PRKG1: variants seen among roughly 807,000 people sequenced by gnomAD.
The protein encoded by PRKG1 is protein kinase cGMP-dependent 1, also known as cGMP-dependent protein kinase 1.
A neutral mutation model predicts 88.1 loss-of-function variants in PRKG1; 35 were observed. The observed-to-expected ratio is 0.40, with a 90% CI of 0.30 to 0.53. The LOEUF (loss-of-function observed/expected upper bound fraction) is 0.53. Among genes scored for constraint, PRKG1 ranks in the 20% least tolerant of loss-of-function variants. The pLI, the probability that PRKG1 is intolerant of heterozygous loss-of-function variation, is 0.59. For missense variants in PRKG1, 540 were observed against 839.8 expected, an observed-to-expected ratio of 0.64 and a Z score of 4.41; for synonymous variants, 303 against 292.5, an observed-to-expected ratio of 1.04 and a Z score of -0.37.
intron 7 of PRKG1, among the ~76,000 whole-genome samples, chr10:52,127,836 A>T (rs148236074): frequency 6.6e-6 from 1 of 152,284 alleles, no homozygotes; most frequent in Non-Finnish European, 1.5e-5. Context: ...GGCATAAATC[A>T]TGGTGGAAGA....
At chr10:51,354,000 G>T (rs1842309742) in intron 2 of PRKG1, among the ~76,000 whole-genome samples, 1 of 152,046 alleles carries the variant, frequency 6.6e-6, no homozygotes, top group African/African-American at 2.4e-5. Flanking sequence ...ACAACAACAT[G>T]GATGGAACTG....
chr10:52,079,178 GAC>G (rs1343552810), intron 7 of PRKG1, among the ~76,000 whole-genome samples: 1 of 152,122 alleles, frequency 6.6e-6, no homozygotes, highest in Non-Finnish European at 1.5e-5. Flanking sequence ...AAATTTTATT[GAC>G]AGTTCTTCCA....
chr10:51,470,547 C>T (rs761019395), intron 3 of PRKG1, among the ~76,000 whole-genome samples: 1 of 151,840 alleles, frequency 6.6e-6, no homozygotes. Flanking sequence ...CATCTTAATG[C>T]ATTTTTATTT....
At chr10:51,494,164 C>T (rs1254137783) in intron 3 of PRKG1, among the ~76,000 whole-genome samples, 1 of 152,066 alleles carries the variant, frequency 6.6e-6, no homozygotes, top group African/African-American at 2.4e-5. Flanking sequence ...CTCAAGAGAT[C>T]CTTCCACCCC....
intron 4 of PRKG1, among the ~76,000 whole-genome samples, chr10:51,887,488 C>T (rs1012631370): frequency 1.3e-5 from 2 of 152,224 alleles, no homozygotes; most frequent in East Asian, 3.9e-4. Context: ...TGAGGAAACT[C>T]AATACTGTTT....
intron 1 of PRKG1, among the ~76,000 whole-genome samples, chr10:51,046,088 A>G (rs1843485102): frequency 6.6e-6 from 1 of 152,236 alleles, no homozygotes; most frequent in Non-Finnish European, 1.5e-5. Context: ...AAATGTAACC[A>G]CTGAAGCCAA....
chr10:51,654,084 A>T (rs1229765566), intron 3 of PRKG1, among the ~76,000 whole-genome samples: 1 of 151,184 alleles, frequency 6.6e-6, no homozygotes, highest in Non-Finnish European at 1.5e-5. Flanking sequence ...GGGTCATATT[A>T]AAAAAAAATC....
chr10:51,975,031 G>A (rs905004691), intron 5 of PRKG1, among the ~76,000 whole-genome samples: 6 of 152,082 alleles, frequency 3.9e-5, no homozygotes, highest in African/African-American at 1.4e-4. Context: ...GGTATATCTG[G>A]TAGGGAGTGG....
At chr10:52,209,313 A>G (rs1425730155) in intron 9 of PRKG1, among the ~76,000 whole-genome samples, 5 of 152,214 alleles carry the variant, frequency 3.3e-5, no homozygotes, top group Admixed American at 3.3e-4. Flanking sequence ...CCTGAATTAC[A>G]TATAATTTTC....
chr10:52,290,290 T>C lies in PRKG1; in HGVS notation c.1962T>C (p.Ser654=), dbSNP rs767330363. The C allele has an allele frequency of 2.2e-5, 35 of 1,605,528 alleles. No individual in the cohort carries two copies. The highest frequency in any genetic ancestry group is 2.8e-5 in the Non-Finnish European group (33 of 1,172,876). ...KGTLTPPIIP[S]VASPTDTSNF... Reference sequence around the variant, plus strand: ...CCTTGACACCTCCTATAATACCAAGTGTAAGTAGACTTTCCAGCTTATAAT... The same window carrying C: ...CCTTGACACCTCCTATAATACCAAGCGTAAGTAGACTTTCCAGCTTATAAT... The change falls in exon 17 of 18, where the codon AGT becomes AGC. Residue 654 remains serine (S), a splice_region_variant and synonymous_variant. Transcript: ENST00000373980.
chr10:51,775,568 T>A (rs1255573492), intron 3 of PRKG1, among the ~76,000 whole-genome samples: 1 of 150,748 alleles, frequency 6.6e-6, no homozygotes, highest in Non-Finnish European at 1.5e-5. Flanking sequence ...AGTTCTTTAA[T>A]TATTATTATT....
At chr10:51,863,678 A>C (rs1221966425) in intron 4 of PRKG1, among the ~76,000 whole-genome samples, 1 of 152,144 alleles carries the variant, frequency 6.6e-6, no homozygotes, top group East Asian at 1.9e-4. Context: ...TTCCACCATG[A>C]GATGGTAGAG....
intron 3 of PRKG1, among the ~76,000 whole-genome samples, chr10:51,469,860 C>T (rs1396475987): frequency 6.6e-6 from 1 of 151,842 alleles, no homozygotes; most frequent in Non-Finnish European, 1.5e-5. Context: ...AAATATATAT[C>T]TGCATTTATA....
At chr10:51,938,719 T>C (rs1319903651) in intron 5 of PRKG1, among the ~76,000 whole-genome samples, 1 of 152,004 alleles carries the variant, frequency 6.6e-6, no homozygotes, top group Non-Finnish European at 1.5e-5. Context: ...CACATTTTAG[T>C]ACTTCTCTGG....
chr10:51,238,591 T>A (rs538533175), intron 2 of PRKG1, among the ~76,000 whole-genome samples: 2 of 129,104 alleles, frequency 1.5e-5, no homozygotes, highest in Non-Finnish European at 3.3e-5. Flanking sequence ...TTAAAAAAAA[T>A]AAAAAAATAA....
At chr10:51,005,971 G>C (rs1564568361) in intron 1 of PRKG1, among the ~76,000 whole-genome samples, 1 of 152,178 alleles carries the variant, frequency 6.6e-6, no homozygotes, top group South Asian at 2.1e-4. Flanking sequence ...TGGGTTAGGG[G>C]CTGTTTGTAG....
intron 2 of PRKG1, among the ~76,000 whole-genome samples, chr10:51,165,300 G>C (rs1182812690): frequency 6.6e-6 from 1 of 151,722 alleles, no homozygotes; most frequent in Non-Finnish European, 1.5e-5. Context: ...GCCAAACTAA[G>C]CTTCATAAGT....
intron 8 of PRKG1, among the ~76,000 whole-genome samples, chr10:52,140,284 A>G (rs185290564): frequency 1.1e-4 from 17 of 152,328 alleles, no homozygotes; most frequent in Admixed American, 1.0e-3. Context: ...AAGCAAATAC[A>G]TAAAAAGAAC....
rs113310285 is a variant in PRKG1, at chr10:52,003,349, C to T, written c.763-51135C>T. 6.2e-3 allele frequency among the ~76,000 whole-genome samples: 948 copies of T among 152,078 alleles called. 2 individuals are homozygous for T. The highest frequency in any genetic ancestry group is 9.2e-3 in the Admixed American group (141 of 15,264). ...ATTTTGAGTTTGTGTTCTTTTTAGT[C>T]TAAATCTCATTATCCTCAAATTCCA... On this transcript the variant is annotated intron_variant, in intron 5 of 17. Coordinates refer to ENST00000373980, the MANE Select transcript of PRKG1 (RefSeq NM_006258.4).
Sources: allele counts gnomAD v4.1 joint callset (sites outside exome capture counted in the v4.1 genomes callset), GRCh38; gene constraint gnomAD v4.1.1; transcripts MANE v1.5; gene names NCBI Gene and HGNC (gene_info 2026-07-23, HGNC 2026-07-21).